The following UGT2B7 variants were observed in gnomAD, a reference collection of about 807,000 sequenced individuals.
UGT2B7 encodes UDP-glucuronosyltransferase 2B7.
Under a neutral mutation model 51.9 loss-of-function variants are expected in UGT2B7, and 51 were observed. The ratio of observed to expected loss-of-function variants is 0.98; its 90% CI spans 0.78 to 1.24. The LOEUF is 1.24. UGT2B7 is among the 50% of genes most tolerant of loss of function. UGT2B7 has a pLI of 0.00. For missense variants in UGT2B7, 727 were observed against 628.4 expected, an observed-to-expected ratio of 1.16 and a Z score of -1.68; for synonymous variants, 225 against 211.6, an observed-to-expected ratio of 1.06 and a Z score of -0.55.
At chr4:69,069,437 A>G (rs980241746) in intron 1 of UGT2B7, among the ~76,000 whole-genome samples, 1 of 152,010 alleles carries the variant, frequency 6.6e-6, no homozygotes, top group African/African-American at 2.4e-5. Context: ...TCTCTCTTAA[A>G]TTATCTCTTC....
At chr4:69,078,054 G>GT (rs1718754151) in intron 1 of UGT2B7, among the ~76,000 whole-genome samples, 1 of 151,510 alleles carries the variant, frequency 6.6e-6, no homozygotes, top group African/African-American at 2.4e-5. Context: ...TTTTTGGTTT[G>GT]TTTTTTGTTT....
intron 5 of UGT2B7, among the ~76,000 whole-genome samples, chr4:69,110,019 T>G (rs528590389): frequency 6.6e-6 from 1 of 152,176 alleles, no homozygotes; most frequent in South Asian, 2.1e-4. Context: ...TTAAATATGA[T>G]TATACAAATA....
chr4:69,088,551 C>A (rs1050738629), intron 1 of UGT2B7, among the ~76,000 whole-genome samples: 3 of 152,064 alleles, frequency 2.0e-5, no homozygotes, highest in African/African-American at 4.8e-5. Context: ...TACTTGTTTG[C>A]AGGTCATAGA....
chr4:69,086,749 C>T (rs1389127040), intron 1 of UGT2B7, among the ~76,000 whole-genome samples: 2 of 151,838 alleles, frequency 1.3e-5, no homozygotes, highest in African/African-American at 2.4e-5. Context: ...TCAATCCTGA[C>T]TTAAAATATA....
At chr4:69,063,237 T>C (rs529707112) in intron 1 of UGT2B7, among the ~76,000 whole-genome samples, 1 of 137,466 alleles carries the variant, frequency 7.3e-6, no homozygotes, top group African/African-American at 2.8e-5. Context: ...GAGAATGGCG[T>C]GAACCCGGAA....
At chr4:69,079,298 A>T (rs1239242294) in intron 1 of UGT2B7, among the ~76,000 whole-genome samples, 1 of 152,168 alleles carries the variant, frequency 6.6e-6, no homozygotes, top group Non-Finnish European at 1.5e-5. Flanking sequence ...ATACAAGTTG[A>T]TTCTTAATTA....
At chr4:69,076,710 A>C (rs1216297256) in intron 1 of UGT2B7, among the ~76,000 whole-genome samples, 1 of 152,156 alleles carries the variant, frequency 6.6e-6, no homozygotes. Context: ...CAGATTAAAA[A>C]AATTTTTCCC....
At chr4:69,095,363 C>T (rs887194619), upstream of UGT2B7, among the ~76,000 whole-genome samples, 32 of 152,268 alleles carry the variant, frequency 2.1e-4, no homozygotes, top group African/African-American at 7.7e-4. Flanking sequence ...TTTGCTGAGT[C>T]AGTTCCTTGT....
intron 1 of UGT2B7, among the ~76,000 whole-genome samples, chr4:69,059,909 A>C (rs1036501770): frequency 6.6e-6 from 1 of 152,248 alleles, no homozygotes; most frequent in Non-Finnish European, 1.5e-5. Context: ...CTTGATTTAC[A>C]GTCCTAGATT....
At chr4:69,106,918 AT>A (rs1719618236) in intron 3 of UGT2B7, among the ~76,000 whole-genome samples, 1 of 151,678 alleles carries the variant, frequency 6.6e-6, no homozygotes, top group South Asian at 2.1e-4. Context: ...AGGTGTAACA[AT>A]TTTTTAAATG....
intron 1 of UGT2B7, among the ~76,000 whole-genome samples, chr4:69,077,664 G>T (rs1030575969): frequency 6.6e-6 from 1 of 152,008 alleles, no homozygotes; most frequent in Non-Finnish European, 1.5e-5. Context: ...TTGCTTATCA[G>T]CTTAAGGAGA....
intron 1 of UGT2B7, among the ~76,000 whole-genome samples, chr4:69,098,048 G>A (rs1719298592): frequency 6.6e-6 from 1 of 151,922 alleles, no homozygotes; most frequent in East Asian, 1.9e-4. Flanking sequence ...AAGGATTTCA[G>A]CCATACTCTC....
At chr4:69,096,400 G>T (rs1412232340), upstream of UGT2B7, 38 of 1,467,662 alleles carry the variant, frequency 2.6e-5, no homozygotes, top group Non-Finnish European at 3.4e-5. Context: ...TAATGATATT[G>T]TATGTACTTT....
At position 69,096,509 on chromosome 4, in the gene UGT2B7, C is replaced by T. The variant is rs1356060190; in HGVS notation, c.-12C>T. ...AACAGCAACTGGAAAACAAGCATTG[C>T]ATTGCACCAGGATGTCTGTGAAATG... On this transcript the variant is annotated 5_prime_UTR_variant, in exon 1 of 6. Coordinates refer to ENST00000305231, the MANE Select transcript of UGT2B7 (RefSeq NM_001074.4). The T allele has an allele frequency of 1.2e-6, 2 of 1,613,458 alleles. No homozygotes were observed. The highest frequency in any genetic ancestry group is 1.7e-5 in the Admixed American group (1 of 59,918).
At position 69,096,751 on chromosome 4, in the gene UGT2B7, T is replaced by A. The variant is rs1446281391; in HGVS notation, c.231T>A (p.Tyr77Ter). 6.2e-7 allele frequency: 1 copy of A among 1,613,926 alleles called. No homozygotes were observed. Among genetic ancestry groups the A allele is most frequent in the African/African-American group, 1.3e-5 (1 of 74,938 alleles). The change falls in exon 1 of 6, where the codon TAT becomes TAA. Residue 77 changes from tyrosine (Y) to a stop codon, truncating the protein, a stop_gained. Transcript: ENST00000305231. LOFTEE classifies it high-confidence loss of function. ...CATCCGCTCTTAAAATTGAAATTTATCCCACATCTTTAACTAAAACTGAGT... is the reference window on the plus strand; with the variant it reads ...CATCCGCTCTTAAAATTGAAATTTAACCCACATCTTTAACTAAAACTGAGT... ...NNSSALKIEI[Y>*]PTSLTKTELE...
chr4:69,102,702 C>A, intron 2 of UGT2B7, 105 bp from the exon 3 acceptor site: 1 of 1,503,810 alleles, frequency 6.6e-7, no homozygotes, highest in Non-Finnish European at 8.9e-7. Flanking sequence ...TCCAATAATT[C>A]CTCAAAATAC....
intron 1 of UGT2B7, among the ~76,000 whole-genome samples, chr4:69,086,267 T>A (rs561381116): frequency 6.6e-6 from 1 of 152,000 alleles, no homozygotes; most frequent in South Asian, 2.1e-4. Context: ...ATGAGCACAT[T>A]TAATTTATGT....
upstream of UGT2B7, among the ~76,000 whole-genome samples, chr4:69,093,163 T>C (rs1332625755): frequency 6.6e-6 from 1 of 151,820 alleles, no homozygotes; most frequent in Admixed American, 6.6e-5. Flanking sequence ...ATGACTGGAG[T>C]CCCCTGTTGG....
At chr4:69,108,787 G>A (rs1277408901) in intron 5 of UGT2B7, among the ~76,000 whole-genome samples, 1 of 151,952 alleles carries the variant, frequency 6.6e-6, no homozygotes, top group African/African-American at 2.4e-5. Flanking sequence ...CCCTGTTTAT[G>A]TTATAAAATC....
Sources: allele counts gnomAD v4.1 joint callset (sites outside exome capture counted in the v4.1 genomes callset), GRCh38; gene constraint gnomAD v4.1.1; transcripts MANE v1.5; gene names NCBI Gene and HGNC (gene_info 2026-07-23, HGNC 2026-07-21).